Variants in ZNF208 observed in about 807,000 individuals in gnomAD.
ZNF208 encodes zinc finger protein 208.
A neutral mutation model predicts 12.1 loss-of-function variants in ZNF208; 10 were observed. The observed-to-expected ratio is 0.83, with a 90% CI of 0.51 to 1.40. The LOEUF (loss-of-function observed/expected upper bound fraction) is 1.40. ZNF208 is among the 40% of genes most tolerant of loss of function. The pLI is 0.00. For missense variants in ZNF208, 1,652 were observed against 1,485.0 expected (o/e 1.11, Z -1.85); for synonymous variants, 497 against 488.4 (o/e 1.02, Z -0.23).
intron 3 of ZNF208, among the ~76,000 whole-genome samples, chr19:21,980,960 A>C (rs1204460515): frequency 1.3e-5 from 2 of 152,186 alleles, no homozygotes; most frequent in East Asian, 3.9e-4. Flanking sequence ...TAGAAAATCT[A>C]AAAGAAATGA....
At chr19:21,981,342 A>G (rs1970534028) in intron 3 of ZNF208, among the ~76,000 whole-genome samples, 1 of 152,188 alleles carries the variant, frequency 6.6e-6, no homozygotes, top group African/African-American at 2.4e-5. Flanking sequence ...CCAGCAGCAC[A>G]TCAAAAAGCT....
At chr19:21,980,589 C>T (rs1378285448) in intron 3 of ZNF208, among the ~76,000 whole-genome samples, 2 of 152,044 alleles carry the variant, frequency 1.3e-5, no homozygotes, top group Admixed American at 6.6e-5. Context: ...AAATATATAG[C>T]ACTAAATGCC....
At chr19:21,988,653 T>C (rs1366545657) in intron 2 of ZNF208, 130 bp downstream of exon 2, 19 of 1,567,822 alleles carry the variant, frequency 1.2e-5, no homozygotes, top group Non-Finnish European at 1.6e-5. Flanking sequence ...CCTGACCCCT[T>C]CTTCCAAATA....
At chr19:21,945,013 TC>T (rs1164278127) in intron 4 of ZNF208, among the ~76,000 whole-genome samples, 1 of 152,206 alleles carries the variant, frequency 6.6e-6, no homozygotes, top group Non-Finnish European at 1.5e-5. Flanking sequence ...ATTTTACCTT[TC>T]CTCAAACTGA....
At chr19:21,952,215 A>G (rs111677973) in intron 4 of ZNF208, among the ~76,000 whole-genome samples, 2,120 of 152,270 alleles carry the variant, frequency 0.014, 26 homozygotes, top group Non-Finnish European at 0.024. Context: ...CAACTTTGTG[A>G]GCAAGGCATA....
At chr19:22,010,699 C>CTGCG in intron 1 of ZNF208, 93 bp downstream of exon 1, 1 of 1,594,304 alleles carries the variant, frequency 6.3e-7, no homozygotes, top group Non-Finnish European at 8.6e-7. Flanking sequence ...GTGGAGCTGA[C>CTGCG]TGCGGGGAGG....
chr19:21,947,182 TTCTC>T (rs758205216), intron 4 of ZNF208, among the ~76,000 whole-genome samples: 2 of 152,182 alleles, frequency 1.3e-5, no homozygotes, highest in Non-Finnish European at 2.9e-5. Context: ...GTAAGGGCCT[TTCTC>T]TCCCACAGTA....
chr19:21,977,573 C>T (rs368487040), intron 3 of ZNF208, among the ~76,000 whole-genome samples: 10 of 152,296 alleles, frequency 6.6e-5, no homozygotes, highest in South Asian at 2.1e-4. Flanking sequence ...CCATGGTCTT[C>T]GCAGCCTGCA....
chr19:21,966,290 T>G lies in ZNF208; in HGVS notation c.*4901A>C, dbSNP rs1229861697. 1 of 152,082 alleles carries G rather than the reference T, an allele frequency of 6.6e-6. No individual in the cohort carries two copies. The highest frequency in any genetic ancestry group is 2.1e-4 in the South Asian group (1 of 4,828). The allele number at this position is 152,082 out of a possible 1,614,324, so 9.4% of individuals were successfully genotyped here. ...CCTTCTTTTTAGAATTCTCAGTGTT[T>G]ATTGTTTTCATCTTTGTTTCCATGT... On this transcript the variant is annotated 3_prime_UTR_variant, in exon 4 of 4. Coordinates refer to ENST00000397126, the MANE Select transcript of ZNF208 (RefSeq NM_007153.3).
intron 1 of ZNF208, among the ~76,000 whole-genome samples, chr19:22,003,387 C>A (rs1466354051): frequency 6.6e-6 from 1 of 151,642 alleles, no homozygotes. Context: ...ACAGAGTAAA[C>A]AGACATCCTA....
At chr19:21,965,670 T>C (rs1225974548), downstream of ZNF208, 2 of 152,068 alleles carry the variant, frequency 1.3e-5, no homozygotes, top group Non-Finnish European at 2.9e-5. Flanking sequence ...ACCCCCACTT[T>C]CTGTTGAATT....
intron 1 of ZNF208, among the ~76,000 whole-genome samples, chr19:22,006,888 A>ATTATT (rs1971054229): frequency 6.6e-6 from 1 of 152,212 alleles, no homozygotes; most frequent in Admixed American, 6.5e-5. Flanking sequence ...ACAATAAAGC[A>ATTATT]TTATTTTATT....
intron 4 of ZNF208, among the ~76,000 whole-genome samples, chr19:21,946,746 G>A (rs1054787185): frequency 2.5e-4 from 38 of 152,226 alleles, no homozygotes; most frequent in Middle Eastern, 6.8e-3. Flanking sequence ...GTCTCTTAGA[G>A]ACAAACCTGA....
intron 1 of ZNF208, among the ~76,000 whole-genome samples, chr19:21,990,293 T>C (rs1367054221): frequency 1.3e-5 from 2 of 152,230 alleles, no homozygotes; most frequent in Admixed American, 6.5e-5. Context: ...GTTTCAGCTT[T>C]CTACATATGG....
Position 22,008,552 on chromosome 19 carries a change from G to GTTT in ZNF208, c.3+2237_3+2239dup, listed in dbSNP as rs199621503. Among the ~76,000 whole-genome samples, 285 of 145,972 alleles carry GTTT rather than the reference G, an allele frequency of 2.0e-3. 1 individual carries two copies. Among genetic ancestry groups the GTTT allele is most frequent in the African/African-American group, 6.7e-3 (268 of 40,270 alleles). On this transcript the variant is annotated intron_variant, in intron 1 of 3. Coordinates refer to ENST00000397126, the MANE Select transcript of ZNF208 (RefSeq NM_007153.3). ...TTCTTGCACCATCTCACTGGGGTCAGTTTTTTTTTTTGTCTTTGGAGTGCT... is the reference window on the plus strand; with the variant it reads ...TTCTTGCACCATCTCACTGGGGTCAGTTTTTTTTTTTTTTGTCTTTGGAGTGCT...
intron 4 of ZNF208, among the ~76,000 whole-genome samples, chr19:21,956,202 C>T (rs561176826): frequency 1.3e-5 from 2 of 152,298 alleles, no homozygotes; most frequent in South Asian, 2.1e-4. Context: ...CTGGAAGCTT[C>T]ATCTCAGAGG....
chr19:22,004,652 G>C (rs1448976593), intron 1 of ZNF208, among the ~76,000 whole-genome samples: 1 of 152,082 alleles, frequency 6.6e-6, no homozygotes, highest in African/African-American at 2.4e-5. Flanking sequence ...ATTATTCTTA[G>C]AAAACTGATG....
rs1296299264 is a variant in ZNF208 at position 21,974,111 on chromosome 19, G to T, written c.923C>A (p.Ala308Asp). Residue 308 changes from alanine (A) to aspartate (D), a missense_variant, in exon 4 of 4, where the codon GCT becomes GAT. Physicochemically the swap from Ala to Asp is moderately radical, Grantham distance 126 (BLOSUM62 -2). This residue lies in a region of ZNF208 where 410 missense variants were observed against 378.2 expected (regional missense o/e 1.08). Transcript: ENST00000397126. ...STLTTHKAIH[A>D]GEKPYKCKEC... Reference sequence around the variant, plus strand: ...TTTACATTTGTAGGGCTTCTCTCCAGCATGAATTGCCTTATGTGTAGTAAG... The same window carrying T: ...TTTACATTTGTAGGGCTTCTCTCCATCATGAATTGCCTTATGTGTAGTAAG... 1.3e-6 allele frequency: 2 copies of T among 1,578,992 alleles called. No homozygotes were observed. Among genetic ancestry groups the T allele is most frequent in the East Asian group, 4.7e-5 (2 of 42,132 alleles).
intron 3 of ZNF208, among the ~76,000 whole-genome samples, chr19:21,975,839 A>G (rs1248604600): frequency 6.7e-6 from 1 of 148,352 alleles, no homozygotes; most frequent in Non-Finnish European, 1.5e-5. Context: ...AAAAAAAAAA[A>G]AAAAAAAAAA....
Sources: gnomAD v4.1 joint callset for allele counts (sites outside exome capture counted in the v4.1 genomes callset) on GRCh38, gnomAD v4.1.1 for gene constraint, gnomAD v4.1.1 regional missense constraint, MANE v1.5 for transcripts, NCBI Gene and HGNC (gene_info 2026-07-23, HGNC 2026-07-21) for gene names.